The following PRKN variants were observed in gnomAD, a reference collection of about 807,000 sequenced individuals.
PRKN encodes E3 ubiquitin-protein ligase parkin.
Under a neutral mutation model 59.5 loss-of-function variants are expected in PRKN, and 56 were observed. That is an observed-to-expected ratio of 0.94 (90% CI 0.76 to 1.18). The LOEUF (loss-of-function observed/expected upper bound fraction) is 1.18. Among genes scored for constraint, PRKN ranks in the 50% most tolerant of loss-of-function variants. The pLI is 0.00. For synonymous variants in PRKN, 250 were observed against 222.1 expected, an observed-to-expected ratio of 1.13 and a Z score of -1.12; for missense variants, 657 against 596.4, an observed-to-expected ratio of 1.10 and a Z score of -1.06.
At chr6:162,478,410 AG>A (rs1792130476) in intron 1 of PRKN, among the ~76,000 whole-genome samples, 1 of 152,220 alleles carries the variant, frequency 6.6e-6, no homozygotes, top group South Asian at 2.1e-4. Context: ...TTAAACGCAC[AG>A]GAAGACCTTG....
At chr6:162,191,410 T>G (rs1026661019) in intron 4 of PRKN, among the ~76,000 whole-genome samples, 5 of 152,188 alleles carry the variant, frequency 3.3e-5, no homozygotes, top group African/African-American at 1.2e-4. Context: ...AGGAGGCTTC[T>G]AAGAATTATC....
Position 162,094,003 on chromosome 6 carries a change from T to C in PRKN, c.535-39829A>G, listed in dbSNP as rs542054003. The stretch of plus-strand genomic sequence containing the variant: ...GTCAGAAGACAAGGTGTCTCGGGAA[T>C]GCAAAACGGGACAAAGAAAACCCAG... On this transcript the variant is annotated intron_variant, in intron 4 of 11. Transcript: ENST00000366898. Among the ~76,000 whole-genome samples the C allele has an allele frequency of 3.7e-4, 56 of 152,246 alleles. No individual in the cohort carries two copies. The South Asian group carries it at 0.011, about 29-fold the overall frequency.
chr6:162,696,760 G>A (rs1456614059), intron 1 of PRKN, among the ~76,000 whole-genome samples: 1 of 151,490 alleles, frequency 6.6e-6, no homozygotes, highest in African/African-American at 2.4e-5. Context: ...TGCATAAGCT[G>A]GTCTTGAACT....
rs1049097165 is a variant in PRKN at position 162,208,393 on chromosome 6, A to C, written c.413-7141T>G. Among the ~76,000 whole-genome samples, 4 of 152,354 alleles carry C rather than the reference A, an allele frequency of 2.6e-5. No individual in the cohort carries two copies. The East Asian group carries it at 7.7e-4, about 29-fold the overall frequency. On this transcript the variant is annotated intron_variant, in intron 3 of 11. Coordinates refer to ENST00000366898, the MANE Select transcript of PRKN (RefSeq NM_004562.3). ...AATCTCTAAGGAGACTCTACACTTA[A>C]AAGTTATAACTTAATTCTCAAATTT...
chr6:161,631,781 A>ACACACT lies in PRKN; in HGVS notation c.872-62366_872-62365insAGTGTG, dbSNP rs1346382138. ...CGCACACACCCAGACAAACACACACACACACACACACACCCCACACACACA... is the reference window on the plus strand; with the variant it reads ...CGCACACACCCAGACAAACACACACACACACTCACACACACACACCCCACACACACA... On this transcript the variant is annotated intron_variant, in intron 7 of 11. Transcript: ENST00000366898. 2.5e-3 allele frequency among the ~76,000 whole-genome samples: 376 copies of ACACACT among 149,726 alleles called. 3 individuals are homozygous for ACACACT. Among genetic ancestry groups the ACACACT allele is most frequent in the African/African-American group, 8.7e-3 (356 of 41,142 alleles).
At chr6:161,573,241 C>T (rs4593344) in intron 7 of PRKN, among the ~76,000 whole-genome samples, 1 of 92,538 alleles carries the variant, frequency 1.1e-5, no homozygotes, top group African/African-American at 5.0e-5. Context: ...CCAAGCACTG[C>T]TTTAGTGTCA....
intron 2 of PRKN, among the ~76,000 whole-genome samples, chr6:162,311,366 A>C (rs1782508674): frequency 6.6e-6 from 1 of 152,186 alleles, no homozygotes; most frequent in Non-Finnish European, 1.5e-5. Flanking sequence ...AGGAATCTGA[A>C]AATCAGAAAC....
chr6:162,700,825 A>G (rs1477680957), intron 1 of PRKN, among the ~76,000 whole-genome samples: 2 of 152,084 alleles, frequency 1.3e-5, no homozygotes, highest in South Asian at 2.1e-4. Flanking sequence ...AAGCACTTTT[A>G]TAGTATTAAA....
At chr6:162,294,728 GAATAA>G (rs1325720749) in intron 2 of PRKN, among the ~76,000 whole-genome samples, 1 of 150,380 alleles carries the variant, frequency 6.6e-6, no homozygotes, top group Non-Finnish European at 1.5e-5. Flanking sequence ...AATAAGAATA[GAATAA>G]GAGTAAAAAA....
intron 4 of PRKN, among the ~76,000 whole-genome samples, chr6:162,131,195 A>C (rs1291433655): frequency 2.6e-5 from 4 of 152,160 alleles, no homozygotes; most frequent in Non-Finnish European, 5.9e-5. Flanking sequence ...ATCAGATGCT[A>C]GGCATTATAT....
rs534940492 is a variant in PRKN, at chr6:161,576,646, G to T, written c.872-7230C>A. Among the ~76,000 whole-genome samples the T allele has an allele frequency of 6.6e-6, 1 of 152,206 alleles. No individual in the cohort carries two copies. Among genetic ancestry groups the T allele is most frequent in the African/African-American group, 2.4e-5 (1 of 41,438 alleles). Reference sequence around the variant, plus strand: ...ATTGGAGCTTGCATTCTAAAGGGGCGAGAGACAATAAAAATAAACTAATAA... The same window carrying T: ...ATTGGAGCTTGCATTCTAAAGGGGCTAGAGACAATAAAAATAAACTAATAA... On this transcript the variant is annotated intron_variant, in intron 7 of 11. Coordinates refer to ENST00000366898, the MANE Select transcript of PRKN (RefSeq NM_004562.3). The surrounding 1 kb of genome is among the most constrained non-coding windows in gnomAD (Gnocchi z 4.6).
intron 1 of PRKN, among the ~76,000 whole-genome samples, chr6:162,544,172 C>A (rs35171017): frequency 0.087 from 13,255 of 152,142 alleles, 724 homozygotes; most frequent in South Asian, 0.18. Flanking sequence ...TACATAGATG[C>A]ATATAAAACA....
chr6:161,667,044 G>A (rs1000712572), intron 7 of PRKN, among the ~76,000 whole-genome samples: 1 of 152,228 alleles, frequency 6.6e-6, no homozygotes, highest in Non-Finnish European at 1.5e-5. Context: ...GCCAGTGTCT[G>A]TCTTCTATGA....
At chr6:162,042,456 T>TA (rs1440397393) in intron 5 of PRKN, among the ~76,000 whole-genome samples, 5 of 151,654 alleles carry the variant, frequency 3.3e-5, no homozygotes, top group East Asian at 2.0e-4. Flanking sequence ...GCTAATTTTT[T>TA]TTTTTTATTT....
intron 7 of PRKN, among the ~76,000 whole-genome samples, chr6:161,628,857 T>A (rs1582912464): frequency 6.6e-6 from 1 of 152,014 alleles, no homozygotes; most frequent in Admixed American, 6.6e-5. Flanking sequence ...CCAATGAGAG[T>A]GTACCATGCA....
chr6:162,144,823 G>A (rs1583099143), intron 4 of PRKN, among the ~76,000 whole-genome samples: 1 of 152,112 alleles, frequency 6.6e-6, no homozygotes, highest in Non-Finnish European at 1.5e-5. Flanking sequence ...GACAGGCCTT[G>A]GTGAGAGAAC....
chr6:162,248,036 A>C (rs560324476), intron 3 of PRKN, among the ~76,000 whole-genome samples: 2 of 152,320 alleles, frequency 1.3e-5, no homozygotes, highest in East Asian at 1.9e-4. Flanking sequence ...CTGGCTTTAA[A>C]ATCTCCCACA....
rs556106975 is a variant in PRKN at position 162,022,042 on chromosome 6, G to T, written c.618+32049C>A. On this transcript the variant is annotated intron_variant, in intron 5 of 11. Transcript: ENST00000366898. Reference sequence around the variant, plus strand: ...GGACAGGATTTTGATCTTTTTTTTTGGCTGCATAGTATTCTATGGTGTATA... The same window carrying T: ...GGACAGGATTTTGATCTTTTTTTTTTGCTGCATAGTATTCTATGGTGTATA... Among the ~76,000 whole-genome samples, 33 of 150,790 alleles carry T rather than the reference G, an allele frequency of 2.2e-4. 1 individual carries two copies. In the South Asian group the frequency reaches 3.1e-3, roughly 14 times the overall value.
At chr6:161,907,940 T>TG (rs1426465510) in intron 6 of PRKN, among the ~76,000 whole-genome samples, 1 of 151,882 alleles carries the variant, frequency 6.6e-6, no homozygotes, top group Admixed American at 6.6e-5. Context: ...TAGCCGGGTG[T>TG]GGGGGCGGGT....
Sources: gnomAD v4.1 joint callset for allele counts (sites outside exome capture counted in the v4.1 genomes callset) on GRCh38, gnomAD v4.1.1 for gene constraint, Gnocchi (gnomAD v3.1) non-coding constraint, MANE v1.5 for transcripts, NCBI Gene and HGNC (gene_info 2026-07-23, HGNC 2026-07-21) for gene names.